FBXL4: variants seen among roughly 807,000 people sequenced by gnomAD.
FBXL4 encodes F-box and leucine rich repeat protein 4.
Under a neutral mutation model 58.9 loss-of-function variants are expected in FBXL4, and 40 were observed. The ratio of observed to expected loss-of-function variants is 0.68; its 90% CI spans 0.53 to 0.88. The LOEUF (loss-of-function observed/expected upper bound fraction) is 0.88, where lower values mean the gene tolerates loss of function less well. FBXL4 is among the 40% of genes least tolerant of loss of function. The pLI is 0.00. For missense variants in FBXL4, 676 were observed against 734.4 expected (o/e 0.92, Z 0.92); for synonymous variants, 263 against 265.5 (o/e 0.99, Z 0.09).
intron 8 of FBXL4, among the ~76,000 whole-genome samples, chr6:98,879,700 G>C (rs1277071470): frequency 7.3e-6 from 1 of 137,300 alleles, no homozygotes; most frequent in African/African-American, 2.5e-5. Context: ...ACCCAATATG[G>C]TGAAACCCAA....
chr6:98,939,505 G>T (rs1368121452), intron 1 of FBXL4, among the ~76,000 whole-genome samples: 2 of 152,166 alleles, frequency 1.3e-5, no homozygotes, highest in Non-Finnish European at 2.9e-5. Flanking sequence ...AGATAAAGTG[G>T]TATTTCACAA....
At chr6:98,908,145 T>C (rs1276921839) in intron 5 of FBXL4, among the ~76,000 whole-genome samples, 1 of 152,140 alleles carries the variant, frequency 6.6e-6, no homozygotes, top group Non-Finnish European at 1.5e-5. Context: ...AACCCAAACA[T>C]TAAAGAAAGG....
At chr6:98,912,995 A>C (rs575210446) in intron 5 of FBXL4, among the ~76,000 whole-genome samples, 1,974 of 152,006 alleles carry the variant, frequency 0.013, 34 homozygotes, top group African/African-American at 0.046. Flanking sequence ...TACCAAGCAA[A>C]TGGAAAACAA....
intron 7 of FBXL4, among the ~76,000 whole-genome samples, chr6:98,898,024 A>C (rs1771466442): frequency 6.6e-6 from 1 of 152,226 alleles, no homozygotes; most frequent in Admixed American, 6.5e-5. Flanking sequence ...AAAATAAGCA[A>C]GAAAACAAGT....
Position 98,915,849 on chromosome 6 carries a change from A to G in FBXL4, c.858+1525T>C, listed in dbSNP as rs547835158. Among the ~76,000 whole-genome samples the G allele has an allele frequency of 9.9e-3, 1,491 of 150,820 alleles. 10 individuals carry two copies. Among genetic ancestry groups the G allele is most frequent in the Middle Eastern group, 0.017 (5 of 292 alleles). ...TCTAATTAAACTAAAGAGCTTCTGCACAGCAAAAGAAACTACCATCAGAGT... is the reference window on the plus strand; with the variant it reads ...TCTAATTAAACTAAAGAGCTTCTGCGCAGCAAAAGAAACTACCATCAGAGT... On this transcript the variant is annotated intron_variant, in intron 5 of 9. Transcript: ENST00000369244.
At chr6:98,898,674 G>T in intron 7 of FBXL4, 5 of 985,142 alleles carry the variant, frequency 5.1e-6, no homozygotes, top group Non-Finnish European at 6.0e-6. Context: ...AAAACAACTG[G>T]AAAAACTAAA....
At chr6:98,892,445 T>C (rs989365068) in intron 7 of FBXL4, among the ~76,000 whole-genome samples, 1 of 152,228 alleles carries the variant, frequency 6.6e-6, no homozygotes, top group African/African-American at 2.4e-5. Context: ...TTAGCTGCAA[T>C]GGCTCTTTTA....
Position 98,939,797 on chromosome 6 carries a change from G to T in FBXL4, c.-308-4918C>A, listed in dbSNP as rs191935635. On this transcript the variant is annotated intron_variant, in intron 1 of 9. Coordinates refer to ENST00000369244, the MANE Select transcript of FBXL4 (RefSeq NM_001278716.2). ...TTTATGGTATTACACTAAGCATGAT[G>T]AAAAATACGTGAGAATCACAAGAAA... is the stretch of plus-strand genomic sequence containing the variant. Among the ~76,000 whole-genome samples, 788 of 152,330 alleles carry T rather than the reference G, an allele frequency of 5.2e-3. 9 individuals carry two copies. The highest frequency in any genetic ancestry group is 0.018 in the African/African-American group (742 of 41,576).
chr6:98,916,646 C>T (rs1772364270), intron 5 of FBXL4, among the ~76,000 whole-genome samples: 1 of 151,708 alleles, frequency 6.6e-6, no homozygotes, highest in Non-Finnish European at 1.5e-5. Flanking sequence ...GGAAGGGGAA[C>T]ATCACGCTCT....
At chr6:98,882,757 C>T (rs757093303) in intron 7 of FBXL4, among the ~76,000 whole-genome samples, 7 of 152,056 alleles carry the variant, frequency 4.6e-5, no homozygotes, top group East Asian at 1.9e-4. Context: ...TTTTACTATA[C>T]GTTATGTATC....
chr6:98,875,318 T>G, intron 9 of FBXL4, 97 bp downstream of exon 9: 1 of 1,136,980 alleles, frequency 8.8e-7, no homozygotes, highest in Non-Finnish European at 1.3e-6. Flanking sequence ...ATTTTTATTG[T>G]ATCCAAAAAT....
At chr6:98,881,465 A>G (rs1770851200) in intron 7 of FBXL4, among the ~76,000 whole-genome samples, 2 of 152,088 alleles carry the variant, frequency 1.3e-5, no homozygotes, top group African/African-American at 4.8e-5. Flanking sequence ...ACATTTTTAA[A>G]TATATTTAAA....
intron 5 of FBXL4, among the ~76,000 whole-genome samples, chr6:98,911,303 G>C (rs1772053790): frequency 6.6e-6 from 1 of 152,192 alleles, no homozygotes; most frequent in African/African-American, 2.4e-5. Context: ...AAATGTCCCT[G>C]TCTGACACCT....
chr6:98,890,612 A>C (rs1771190762), intron 7 of FBXL4, among the ~76,000 whole-genome samples: 1 of 152,170 alleles, frequency 6.6e-6, no homozygotes, highest in Non-Finnish European at 1.5e-5. Flanking sequence ...AACTTGGTGA[A>C]GAAGAATATA....
intron 4 of FBXL4, among the ~76,000 whole-genome samples, chr6:98,920,534 A>G (rs1468196952): frequency 2.0e-5 from 3 of 152,168 alleles, no homozygotes; most frequent in Non-Finnish European, 2.9e-5. Context: ...ATAACCTAAA[A>G]AGTAACAAGA....
intron 8 of FBXL4, among the ~76,000 whole-genome samples, chr6:98,876,932 ATAT>A (rs925185418): frequency 6.6e-6 from 1 of 152,182 alleles, no homozygotes; most frequent in Non-Finnish European, 1.5e-5. Flanking sequence ...AAGGAGTGAC[ATAT>A]TATTATTTAC....
chr6:98,939,741 C>A (rs1773362487), intron 1 of FBXL4, among the ~76,000 whole-genome samples: 1 of 152,232 alleles, frequency 6.6e-6, no homozygotes, highest in Non-Finnish European at 1.5e-5. Context: ...ACCAGTGGCA[C>A]TTTCTAAGGG....
At position 98,917,650 on chromosome 6, in the gene FBXL4, A is replaced by G; in HGVS notation, c.582T>C (p.Cys194=). 1 of 1,613,962 alleles carries G rather than the reference A, an allele frequency of 6.2e-7. No homozygotes were observed. The highest frequency in any genetic ancestry group is 1.1e-5 in the South Asian group (1 of 91,058). ...NASQARQFKP[C]IKQINFPTNL... Reference sequence around the variant, plus strand: ...TTGTGGGGAAATTTATCTGCTTAATACAAGGTTTAAACTGGCGAGCTTGGG... The same window carrying G: ...TTGTGGGGAAATTTATCTGCTTAATGCAAGGTTTAAACTGGCGAGCTTGGG... The change falls in exon 5 of 10, where the codon TGT becomes TGC. Residue 194 remains cysteine, a synonymous_variant. Coordinates refer to ENST00000369244, the MANE Select transcript of FBXL4 (RefSeq NM_001278716.2).
intron 7 of FBXL4, among the ~76,000 whole-genome samples, chr6:98,888,102 C>G (rs1027744482): frequency 3.3e-5 from 5 of 152,210 alleles, no homozygotes; most frequent in African/African-American, 4.8e-5. Context: ...GAAATTAACT[C>G]TTCATTTCCA....
Sources: allele counts gnomAD v4.1 joint callset (sites outside exome capture counted in the v4.1 genomes callset), GRCh38; gene constraint gnomAD v4.1.1; transcripts MANE v1.5; gene names NCBI Gene and HGNC (gene_info 2026-07-23, HGNC 2026-07-21).